GSTT4: variants seen among roughly 807,000 people sequenced by gnomAD.
The protein encoded by GSTT4 is glutathione S-transferase theta-4.
At chr22:24,000,655 T>C (rs1464472984) in intron 3 of GSTT4, among the ~76,000 whole-genome samples, 1 of 144,580 alleles carries the variant, frequency 6.9e-6, no homozygotes, top group African/African-American at 2.8e-5. Context: ...AACTCCTGGG[T>C]TCAAGCAATT....
downstream of GSTT4, among the ~76,000 whole-genome samples, chr22:23,997,558 T>C (rs2034129313): frequency 8.0e-6 from 1 of 125,628 alleles, no homozygotes; most frequent in Non-Finnish European, 1.8e-5. Context: ...TTGACCCTTA[T>C]TTTTTTCACT....
At chr22:23,993,122 G>T in the GSTT4 span, among the ~76,000 whole-genome samples, 1 of 152,090 alleles carries the variant, frequency 6.6e-6, no homozygotes, top group Non-Finnish European at 1.5e-5. Flanking sequence ...AAGGAACATG[G>T]GTACACTCCA....
chr22:23,999,123 C>G (rs146192507), intron 4 of GSTT4, among the ~76,000 whole-genome samples: 3,280 of 124,562 alleles, frequency 0.026, 148 homozygotes, highest in African/African-American at 0.089. Flanking sequence ...CCATGTTTAG[C>G]CTCCCACTGT....
chr22:23,995,334 G>A (rs2034106101), downstream of GSTT4, among the ~76,000 whole-genome samples: 2 of 152,162 alleles, frequency 1.3e-5, no homozygotes, highest in South Asian at 4.1e-4. Context: ...AACTGCTGAT[G>A]GTCTTCCATG....
chr22:23,998,454 T>A lies in GSTT4; in HGVS notation c.*88A>T, dbSNP rs2034147134. ...AAAGAACAGTTGTTTTTTTGTTTTT[T>A]TGTTTTTTTTTTTTTAACATTTCCT... On this transcript the variant is annotated 3_prime_UTR_variant, in exon 5 of 5. Coordinates refer to ENST00000621179, the MANE Select transcript of GSTT4 (RefSeq NM_001358664.2). 3.5e-5 allele frequency: 1 copy of A among 28,840 alleles called. No homozygotes were observed. Among genetic ancestry groups the A allele is most frequent in the African/African-American group, 1.4e-4 (1 of 7,018 alleles). The allele number at this position is 28,840 out of a possible 1,614,324, so 1.8% of individuals were successfully genotyped here.
downstream of GSTT4, among the ~76,000 whole-genome samples, chr22:23,996,288 T>C (rs1259014440): frequency 6.6e-6 from 1 of 151,888 alleles, no homozygotes; most frequent in East Asian, 1.9e-4. Flanking sequence ...AGTTAAGAAT[T>C]TCTGTAATGT....
At chr22:24,002,700 G>A (rs1462370306) in intron 2 of GSTT4, among the ~76,000 whole-genome samples, 3 of 151,876 alleles carry the variant, frequency 2.0e-5, no homozygotes, top group Admixed American at 1.3e-4. Flanking sequence ...GCATGGTGGC[G>A]GGCACCTGTA....
chr22:23,999,816 C>G (rs2034186349), intron 4 of GSTT4, among the ~76,000 whole-genome samples: 1 of 151,230 alleles, frequency 6.6e-6, no homozygotes, highest in Non-Finnish European at 1.5e-5. Flanking sequence ...TTCTCTATCC[C>G]AGGCTCACCC....
downstream of GSTT4, among the ~76,000 whole-genome samples, chr22:23,995,394 A>T (rs1345575199): frequency 1.2e-5 from 1 of 83,100 alleles, no homozygotes; most frequent in Non-Finnish European, 2.9e-5. Context: ...ATGCACTTGC[A>T]CCCTCTCTTT....
chr22:23,991,255 C>CA, the GSTT4 span: 6 of 109,304 alleles, frequency 5.5e-5, no homozygotes, highest in African/African-American at 1.7e-4. Context: ...TGTTAGTCTG[C>CA]ATTCTTGGCC....
the GSTT4 span, among the ~76,000 whole-genome samples, chr22:23,989,439 C>T: frequency 7.1e-6 from 1 of 141,614 alleles, no homozygotes; most frequent in Non-Finnish European, 1.6e-5. Context: ...AGGACAATTC[C>T]CTGGAGCTGT....
At chr22:24,000,495 A>C (rs904724896) in intron 3 of GSTT4, among the ~76,000 whole-genome samples, 3 of 137,666 alleles carry the variant, frequency 2.2e-5, no homozygotes, top group Admixed American at 2.1e-4. Context: ...CAGGCATAGA[A>C]TTCAAAGTAG....
chr22:24,002,601 C>T (rs192038592), intron 2 of GSTT4, among the ~76,000 whole-genome samples: 2,579 of 42,444 alleles, frequency 0.061, 56 homozygotes, highest in African/African-American at 0.13. Context: ...GAGGCCGAGG[C>T]GGGGGGATCA....
At chr22:23,992,213 C>T in the GSTT4 span, among the ~76,000 whole-genome samples, 1 of 140,246 alleles carries the variant, frequency 7.1e-6, no homozygotes, top group African/African-American at 2.6e-5. Flanking sequence ...AGCTGTCCCT[C>T]CCCAGTTGCT....
intron 1 of GSTT4, 64 bp downstream of exon 1, chr22:24,005,181 G>C (rs1051315914): frequency 6.5e-6 from 1 of 152,924 alleles, no homozygotes; most frequent in African/African-American, 2.4e-5. Context: ...AAAAAGAAAA[G>C]CCGCAATCTG....
chr22:23,994,472 G>T (rs1237493816), downstream of GSTT4, among the ~76,000 whole-genome samples: 281 of 125,222 alleles, frequency 2.2e-3, no homozygotes, highest in Middle Eastern at 4.1e-3. Context: ...CTGTGGATAG[G>T]AAGTAGCTGC....
chr22:23,989,686 C>A, the GSTT4 span, among the ~76,000 whole-genome samples: 6 of 151,244 alleles, frequency 4.0e-5, no homozygotes, highest in African/African-American at 1.5e-4. Context: ...ACTCAGCCCC[C>A]GGTGGCTCAG....
downstream of GSTT4, among the ~76,000 whole-genome samples, chr22:23,995,460 A>C (rs1292741361): frequency 2.0e-5 from 3 of 152,002 alleles, no homozygotes; most frequent in Non-Finnish European, 4.4e-5. Context: ...TACTTTATCC[A>C]ATCGTTCAAC....
At position 23,998,748 on chromosome 22, in the gene GSTT4, A is replaced by C. The variant is rs552274276; in HGVS notation, c.529-9T>G. 9 of 153,984 alleles carry C rather than the reference A, an allele frequency of 5.8e-5. No homozygotes were observed. The highest frequency in any genetic ancestry group is 2.6e-4 in the Admixed American group (4 of 15,300). 9.5% of individuals were successfully genotyped at this position (153,984 alleles called of 1,614,324 possible). On this transcript the variant is annotated splice_polypyrimidine_tract_variant and intron_variant, in intron 4 of 4. Coordinates refer to ENST00000621179, the MANE Select transcript of GSTT4 (RefSeq NM_001358664.2). Reference sequence around the variant, plus strand: ...TAGTTGGCTGCCATGGGCTGTAGATAGACGAAGACAAAGACGTGGTCAGCC... The same window carrying C: ...TAGTTGGCTGCCATGGGCTGTAGATCGACGAAGACAAAGACGTGGTCAGCC...
Sources: gnomAD v4.1 joint callset for allele counts (sites outside exome capture counted in the v4.1 genomes callset) on GRCh38, gnomAD v4.1.1 for gene constraint, MANE v1.5 for transcripts, NCBI Gene and HGNC (gene_info 2026-07-23, HGNC 2026-07-21) for gene names.